Variants in TAF10 observed in about 807,000 individuals in gnomAD.
TAF10 encodes TATA-box binding protein associated factor 10, also known as transcription initiation factor TFIID subunit 10.
TAF10 carries 2 observed loss-of-function variants against 18.1 expected under a neutral mutation model. The observed-to-expected ratio is 0.11, with a 90% CI of 0.05 to 0.35. The LOEUF is 0.35. TAF10 is among the 10% of genes least tolerant of loss of function. The pLI is 1.00. For synonymous variants in TAF10, 158 were observed against 134.6 expected (o/e 1.17, Z -1.20); for missense variants, 293 against 306.9 (o/e 0.95, Z 0.34).
chr11:6,609,650 A>G lies in TAF10; in HGVS notation c.*1272T>C. 1 of 1,614,096 alleles carries G rather than the reference A, an allele frequency of 6.2e-7. No homozygotes were observed. Among genetic ancestry groups the G allele is most frequent in the Non-Finnish European group, 8.5e-7 (1 of 1,180,004 alleles). On this transcript the variant is annotated 3_prime_UTR_variant, in exon 5 of 5. Coordinates refer to ENST00000299424, the MANE Select transcript of TAF10 (RefSeq NM_006284.4). ...TACATGAAGGCACCAGTGAGTAGGG[A>G]TGTTGAATTTCCTTGGGGAGGAAAT...
chr11:6,611,933 C>G, intron 1 of TAF10, 25 bp downstream of exon 1: 8 of 1,575,250 alleles, frequency 5.1e-6, no homozygotes, highest in Non-Finnish European at 6.9e-6. Flanking sequence ...ACGCTTCCCT[C>G]GCCCTCACCC....
chr11:6,609,059 C>T lies in TAF10; in HGVS notation c.*1863G>A, dbSNP rs775689217. ...GGGTGAAGCTGGGTACCTGACCTGC[C>T]CACACTCTTAGGAAATGGAACCCTG... is the stretch of plus-strand genomic sequence containing the variant. On this transcript the variant is annotated 3_prime_UTR_variant, in exon 5 of 5. Coordinates refer to ENST00000299424, the MANE Select transcript of TAF10 (RefSeq NM_006284.4). The T allele has an allele frequency of 5.6e-6, 9 of 1,613,386 alleles. No homozygotes were observed. Among genetic ancestry groups the T allele is most frequent in the Admixed American group, 1.7e-5 (1 of 60,006 alleles).
rs376415144 is a variant in TAF10, at chr11:6,610,429, A to T, written c.*493T>A. 6.2e-6 allele frequency: 10 copies of T among 1,614,132 alleles called. No individual in the cohort carries two copies. Among genetic ancestry groups the T allele is most frequent in the Non-Finnish European group, 8.5e-6 (10 of 1,180,006 alleles). ...GCTTCTCTCTACATGACAGACTCAA[A>T]TTGTGAGGCTGCTTTTTTTCTTGTA... On this transcript the variant is annotated 3_prime_UTR_variant, in exon 5 of 5. Transcript: ENST00000299424.
Position 6,609,976 on chromosome 11 carries a change from T to G in TAF10, c.*946A>C, listed in dbSNP as rs374027960. The G allele has an allele frequency of 8.7e-6, 14 of 1,614,048 alleles. No homozygotes were observed. The highest frequency in any genetic ancestry group is 1.1e-5 in the Non-Finnish European group (13 of 1,180,044). On this transcript the variant is annotated 3_prime_UTR_variant, in exon 5 of 5. Transcript: ENST00000299424. The stretch of plus-strand genomic sequence containing the variant: ...ACTGCCCGAATTAGCATGGCTGATG[T>G]CAAGTTCTCTTTCCAATGTCCTGGT...
Position 6,610,185 on chromosome 11 carries a change from A to G in TAF10, c.*737T>C. 6.2e-7 allele frequency: 1 copy of G among 1,614,212 alleles called. No individual in the cohort carries two copies. Among genetic ancestry groups the G allele is most frequent in the South Asian group, 1.1e-5 (1 of 91,090 alleles). On this transcript the variant is annotated 3_prime_UTR_variant, in exon 5 of 5. Coordinates refer to ENST00000299424, the MANE Select transcript of TAF10 (RefSeq NM_006284.4). ...AGCCTGAAGACACAAACAGACGCTC[A>G]GCAGACATGTGGAGTTTTGCAGTGC...
chr11:6,611,790 G>T lies in TAF10; in HGVS notation c.261C>A (p.Pro87=). 1 of 1,604,162 alleles carries T rather than the reference G, an allele frequency of 6.2e-7. No homozygotes were observed. The highest frequency in any genetic ancestry group is 8.5e-7 in the Non-Finnish European group (1 of 1,175,308). ...CCCCGTTAGATATGGCCCCCTCCGG[G>T]GGCGCCGCGCCACCCGCCGACACCG... ...AAPVSAGGAA[P]PEGAISNGVY... is the part of the protein sequence containing the mutation. Residue 87 remains proline, a synonymous_variant, in exon 2 of 5, where the codon CCC becomes CCA. Coordinates refer to ENST00000299424, the MANE Select transcript of TAF10 (RefSeq NM_006284.4).
In TAF10 at chr11:6,608,702, G is replaced by A. The variant is rs1293021638; in HGVS notation, c.*2220C>T. Reference sequence around the variant, plus strand: ...TGGCCTTTTCATTCCAGGACCTGGTGGCAAATGGGGCCCTTGTCAGCATCT... The same window carrying A: ...TGGCCTTTTCATTCCAGGACCTGGTAGCAAATGGGGCCCTTGTCAGCATCT... On this transcript the variant is annotated 3_prime_UTR_variant, in exon 5 of 5. Coordinates refer to ENST00000299424, the MANE Select transcript of TAF10 (RefSeq NM_006284.4). This position sits in a 1 kb window ranked among gnomAD's most constrained non-coding sequence, Gnocchi z 4.9. 1.2e-6 allele frequency: 2 copies of A among 1,613,984 alleles called. No individual in the cohort carries two copies. The highest frequency in any genetic ancestry group is 1.7e-5 in the Admixed American group (1 of 60,030).
In TAF10 at chr11:6,608,921, T is replaced by G. The variant is rs1441174976; in HGVS notation, c.*2001A>C. On this transcript the variant is annotated 3_prime_UTR_variant, in exon 5 of 5. Coordinates refer to ENST00000299424, the MANE Select transcript of TAF10 (RefSeq NM_006284.4). This position sits in a 1 kb window ranked among gnomAD's most constrained non-coding sequence, Gnocchi z 4.9. The stretch of plus-strand genomic sequence containing the variant: ...AGATGGGCCAGAATCTCAACCGTAT[T>G]CCATACAAGGACACATTCTGGAAGG... 6 of 1,614,012 alleles carry G rather than the reference T, an allele frequency of 3.7e-6. No homozygotes were observed. In the South Asian group the frequency reaches 5.5e-5, roughly 15 times the overall value.
intron 2 of TAF10, 77 bp from the exon 3 acceptor site, chr11:6,611,529 G>C: frequency 6.2e-7 from 1 of 1,601,408 alleles, no homozygotes; most frequent in Non-Finnish European, 8.5e-7. Context: ...TTATCAGGAA[G>C]CTCACAGTTT....
rs1040772766 is a variant in TAF10, at chr11:6,607,465, A to T, written c.*3457T>A. On this transcript the variant is annotated 3_prime_UTR_variant, in exon 5 of 5. Transcript: ENST00000299424. The stretch of plus-strand genomic sequence containing the variant: ...TTTTCAACATAAACCCTTCCAAAAC[A>T]TCATTTAAATTCCATTCCATTTTTA... The T allele has an allele frequency of 1.2e-5, 2 of 160,558 alleles. No individual in the cohort carries two copies. Among genetic ancestry groups the T allele is most frequent in the South Asian group, 1.7e-4 (1 of 6,004 alleles). 9.9% of individuals were successfully genotyped at this position (160,558 alleles called of 1,614,324 possible).
At position 6,609,750 on chromosome 11, in the gene TAF10, G is replaced by T; in HGVS notation, c.*1172C>A. On this transcript the variant is annotated 3_prime_UTR_variant, in exon 5 of 5. Coordinates refer to ENST00000299424, the MANE Select transcript of TAF10 (RefSeq NM_006284.4). ...TTTCGTCGTGGACCAGAGCCAGGCT[G>T]TGAAGTTTGCTTTGGACATGGCAAG... is the stretch of plus-strand genomic sequence containing the variant. The T allele has an allele frequency of 6.2e-7, 1 of 1,614,214 alleles. No individual in the cohort carries two copies. The highest frequency in any genetic ancestry group is 8.5e-7 in the Non-Finnish European group (1 of 1,180,032).
At position 6,612,011 on chromosome 11, in the gene TAF10, C is replaced by G. The variant is rs962462267; in HGVS notation, c.179G>C (p.Gly60Ala). The G allele has an allele frequency of 1.4e-5, 21 of 1,539,916 alleles. No homozygotes were observed. In the African/African-American group the frequency reaches 2.3e-4, roughly 17 times the overall value. The change falls in exon 1 of 5, where the codon GGC (glycine) becomes GCC (alanine). Residue 60 changes from glycine (G) to alanine (A), a missense_variant. Coordinates refer to ENST00000299424, the MANE Select transcript of TAF10 (RefSeq NM_006284.4). The part of the protein sequence containing the change: ...GGPGAGAAAG[G>A]TGPLAARAGE... ...GGCCCGCGCCGCCAAGGGTCCCGTG[C>G]CCCCAGCAGCTGCTCCAGCCCCAGG...
At chr11:6,611,495 G>T (rs749617808) in intron 2 of TAF10, 43 bp from the exon 3 acceptor site, 4 of 1,611,750 alleles carry the variant, frequency 2.5e-6, no homozygotes, top group Non-Finnish European at 3.4e-6. Flanking sequence ...GCGGGAGGAG[G>T]GTGAGGGAAA....
In TAF10 at chr11:6,609,855, C is replaced by G. The variant is rs1440762009; in HGVS notation, c.*1067G>C. 5.0e-6 allele frequency: 8 copies of G among 1,614,256 alleles called. No individual in the cohort carries two copies. The highest frequency in any genetic ancestry group is 6.8e-6 in the Non-Finnish European group (8 of 1,180,040). ...TAGCCGTAGTGTAATGGTGAGGCCA[C>G]AAGCTCACTCCTGGCCCAGGCCCCA... On this transcript the variant is annotated 3_prime_UTR_variant, in exon 5 of 5. Coordinates refer to ENST00000299424, the MANE Select transcript of TAF10 (RefSeq NM_006284.4).
At position 6,609,292 on chromosome 11, in the gene TAF10, CCTG is replaced by C; in HGVS notation, c.*1627_*1629del. On this transcript the variant is annotated 3_prime_UTR_variant, in exon 5 of 5. Transcript: ENST00000299424. ...TTCAAGCCTCCTAACCCCTACCTGT[CCTG>C]CAGCTATGGAAGGGCCGCTGGCAGG... 1 of 1,613,450 alleles carries C rather than the reference CCTG, an allele frequency of 6.2e-7. No individual in the cohort carries two copies. The highest frequency in any genetic ancestry group is 8.5e-7 in the Non-Finnish European group (1 of 1,179,420).
chr11:6,606,303 CAA>C lies in TAF10; in HGVS notation c.*4617_*4618del, dbSNP rs1332684255. 6.6e-6 allele frequency: 1 copy of C among 152,188 alleles called. No homozygotes were observed. The highest frequency in any genetic ancestry group is 1.5e-5 in the Non-Finnish European group (1 of 68,044). The allele number at this position is 152,188 out of a possible 1,614,324, so 9.4% of individuals were successfully genotyped here. On this transcript the variant is annotated 3_prime_UTR_variant, in exon 5 of 5. Coordinates refer to ENST00000299424, the MANE Select transcript of TAF10 (RefSeq NM_006284.4). ...TGATGGTGACTCAGAGTGGCAAAAT[CAA>C]ATTCTTTATTTTTTAAAATTGGTGG...
chr11:6,610,017 G>GC lies in TAF10; in HGVS notation c.*904dup. On this transcript the variant is annotated 3_prime_UTR_variant, in exon 5 of 5. Coordinates refer to ENST00000299424, the MANE Select transcript of TAF10 (RefSeq NM_006284.4). ...ATGTCCTGGTCGCATGTATGCACCT[G>GC]CCTGGGTAGCCCCCGAAGGTGAGTG... is the stretch of plus-strand genomic sequence containing the variant. 1 of 1,614,182 alleles carries GC rather than the reference G, an allele frequency of 6.2e-7. No individual in the cohort carries two copies. The highest frequency in any genetic ancestry group is 8.5e-7 in the Non-Finnish European group (1 of 1,180,036).
Position 6,611,980 on chromosome 11 carries a change from C to T in TAF10, c.210G>A (p.Glu70=), listed in dbSNP as rs753131237. 5.8e-6 allele frequency: 9 copies of T among 1,561,152 alleles called. No homozygotes were observed. Among genetic ancestry groups the T allele is most frequent in the Non-Finnish European group, 4.3e-6 (5 of 1,161,508 alleles). Residue 70 remains glutamate, a synonymous_variant, in exon 1 of 5, where the codon GAG becomes GAA. Transcript: ENST00000299424. ...GTGPLAARAG[E]PAERRGAAPV... ...CACCCGCCCCACGCCGCTCAGCTGGCTCCCCGGCCCGCGCCGCCAAGGGTC... is the reference window on the plus strand; with the variant it reads ...CACCCGCCCCACGCCGCTCAGCTGGTTCCCCGGCCCGCGCCGCCAAGGGTC...
rs1040811910 is a variant in TAF10 at position 6,610,735 on chromosome 11, G to T, written c.*187C>A. On this transcript the variant is annotated 3_prime_UTR_variant, in exon 5 of 5. Transcript: ENST00000299424. ...CAGTCATGGTACTACCCCAGCCATG[G>T]GGTCCATCCCCTTCCCCCATCCCTA... 2 of 1,381,958 alleles carry T rather than the reference G, an allele frequency of 1.4e-6. No individual in the cohort carries two copies. The highest frequency in any genetic ancestry group is 2.8e-5 in the African/African-American group (2 of 70,188). 85.6% of individuals were successfully genotyped at this position (1,381,958 alleles called of 1,614,324 possible).
Sources: gnomAD v4.1 joint callset for allele counts on GRCh38, gnomAD v4.1.1 for gene constraint, Gnocchi (gnomAD v3.1) non-coding constraint, MANE v1.5 for transcripts, NCBI Gene and HGNC (gene_info 2026-07-23, HGNC 2026-07-21) for gene names.